The following ZNF385D variants were observed in gnomAD, a reference collection of about 807,000 sequenced individuals.
The protein encoded by ZNF385D is zinc finger protein 385D, also known as zinc finger protein 659.
Under a neutral mutation model 35.8 loss-of-function variants are expected in ZNF385D, and 15 were observed. That is an observed-to-expected ratio of 0.42 (90% CI 0.28 to 0.64). The LOEUF is 0.64. Ranked by LOEUF, ZNF385D falls within the 30% of genes least tolerant of loss-of-function variation. The pLI is 0.23. For missense variants in ZNF385D, 474 were observed against 494.6 expected (o/e 0.96, Z 0.39); for synonymous variants, 212 against 186.8 (o/e 1.13, Z -1.10).
At chr3:22,144,648 AAGTT>A (rs1704733959) in intron 3 of ZNF385D, among the ~76,000 whole-genome samples, 1 of 148,980 alleles carries the variant, frequency 6.7e-6, no homozygotes, top group African/African-American at 2.4e-5. Flanking sequence ...TAGCAAATTT[AAGTT>A]AGTCATCATT....
At chr3:22,341,114 A>C (rs1011302554) in intron 2 of ZNF385D, among the ~76,000 whole-genome samples, 2 of 152,242 alleles carry the variant, frequency 1.3e-5, no homozygotes, top group East Asian at 3.8e-4. Flanking sequence ...TTCTGGAAAC[A>C]TCAAAGATTT....
chr3:21,788,122 C>A (rs77847089), intron 3 of ZNF385D, among the ~76,000 whole-genome samples: 5,702 of 151,760 alleles, frequency 0.038, 360 homozygotes, highest in African/African-American at 0.13. Flanking sequence ...GGAATAATTA[C>A]ATTATCAATA....
chr3:21,631,362 C>T (rs896362803), intron 2 of ZNF385D, among the ~76,000 whole-genome samples: 3 of 150,508 alleles, frequency 2.0e-5, no homozygotes, highest in African/African-American at 7.3e-5. Context: ...TTCCTATATC[C>T]GATATGATCA....
intron 2 of ZNF385D, among the ~76,000 whole-genome samples, chr3:22,344,989 T>C (rs2125485916): frequency 6.6e-6 from 1 of 152,284 alleles, no homozygotes; most frequent in East Asian, 1.9e-4. Context: ...TCCTATATGA[T>C]TCAGTCATGG....
At chr3:21,683,957 G>A (rs1170188827) in intron 1 of ZNF385D, among the ~76,000 whole-genome samples, 1 of 150,206 alleles carries the variant, frequency 6.7e-6, no homozygotes, top group Non-Finnish European at 1.5e-5. Flanking sequence ...CCTGAACAGA[G>A]AACATAGCCA....
At chr3:21,930,393 C>T (rs1274525544) in intron 3 of ZNF385D, among the ~76,000 whole-genome samples, 1 of 151,500 alleles carries the variant, frequency 6.6e-6, no homozygotes, top group Non-Finnish European at 1.5e-5. Flanking sequence ...TGCTACTCAG[C>T]TAAGACACCA....
intron 3 of ZNF385D, among the ~76,000 whole-genome samples, chr3:21,925,377 C>A (rs754083694): frequency 1.4e-4 from 21 of 152,230 alleles, no homozygotes; most frequent in Non-Finnish European, 2.6e-4. Flanking sequence ...ATGCAAAATT[C>A]ATTGAAGAAC....
intron 3 of ZNF385D, among the ~76,000 whole-genome samples, chr3:22,073,647 C>A (rs1193460115): frequency 1.3e-5 from 2 of 151,650 alleles, no homozygotes; most frequent in Admixed American, 1.3e-4. Flanking sequence ...TTATATTTGT[C>A]TGTAACAGGA....
intron 2 of ZNF385D, among the ~76,000 whole-genome samples, chr3:21,610,283 A>G (rs1180364219): frequency 6.6e-6 from 1 of 152,092 alleles, no homozygotes; most frequent in South Asian, 2.1e-4. Flanking sequence ...CAAAGATGTG[A>G]CTCTAAAACT....
At chr3:21,968,224 G>A (rs6790267) in intron 3 of ZNF385D, among the ~76,000 whole-genome samples, 4,672 of 152,238 alleles carry the variant, frequency 0.031, 119 homozygotes, top group Non-Finnish European at 0.049. Flanking sequence ...TAGACCAGCC[G>A]TAGCCAGAGG....
chr3:21,726,649 C>G (rs1342602574), intron 1 of ZNF385D, among the ~76,000 whole-genome samples: 1 of 152,082 alleles, frequency 6.6e-6, no homozygotes, highest in African/African-American at 2.4e-5. Flanking sequence ...GAACTACAAA[C>G]CACTGATCAA....
intron 1 of ZNF385D, among the ~76,000 whole-genome samples, chr3:21,749,295 G>C (rs1281933599): frequency 6.6e-6 from 1 of 152,178 alleles, no homozygotes; most frequent in Non-Finnish European, 1.5e-5. Flanking sequence ...TTCTCCAATA[G>C]TCACACGATA....
intron 2 of ZNF385D, among the ~76,000 whole-genome samples, chr3:21,591,497 GATTA>G (rs2063975351): frequency 6.6e-6 from 1 of 151,936 alleles, no homozygotes; most frequent in South Asian, 2.1e-4. Flanking sequence ...TGATTATAAT[GATTA>G]ATTACTATAA....
chr3:21,702,293 G>T (rs2067718841), intron 1 of ZNF385D, among the ~76,000 whole-genome samples: 1 of 152,186 alleles, frequency 6.6e-6, no homozygotes, highest in Non-Finnish European at 1.5e-5. Flanking sequence ...TAAGGCTTGG[G>T]GCTTCCACCC....
chr3:21,711,185 G>T (rs1163294368), intron 1 of ZNF385D, among the ~76,000 whole-genome samples: 1 of 151,524 alleles, frequency 6.6e-6, no homozygotes, highest in African/African-American at 2.4e-5. Context: ...GGGACTACAG[G>T]AGCCCACCAT....
chr3:22,316,681 G>A (rs1325400917), intron 2 of ZNF385D, among the ~76,000 whole-genome samples: 1 of 152,086 alleles, frequency 6.6e-6, no homozygotes, highest in Non-Finnish European at 1.5e-5. Flanking sequence ...CTATTAATGG[G>A]ATTAATAATA....
chr3:21,491,755 ATACT>A (rs1705439388), intron 4 of ZNF385D, among the ~76,000 whole-genome samples: 1 of 152,166 alleles, frequency 6.6e-6, no homozygotes, highest in Non-Finnish European at 1.5e-5. Context: ...AGAGGCTAAA[ATACT>A]TACTACATGA....
chr3:21,457,282 T>G (rs948476519), intron 4 of ZNF385D, among the ~76,000 whole-genome samples: 5 of 152,184 alleles, frequency 3.3e-5, no homozygotes, highest in Non-Finnish European at 7.3e-5. Flanking sequence ...TTAAAATTAT[T>G]GCATCATTTC....
chr3:21,947,327 TC>T (rs1409217396), intron 3 of ZNF385D, among the ~76,000 whole-genome samples: 1 of 151,130 alleles, frequency 6.6e-6, no homozygotes, highest in African/African-American at 2.4e-5. Context: ...CTTTCAAGGC[TC>T]TTTCATGTAT....
Sources: gnomAD v4.1 joint callset for allele counts (sites outside exome capture counted in the v4.1 genomes callset) on GRCh38, gnomAD v4.1.1 for gene constraint, MANE v1.5 for transcripts, NCBI Gene and HGNC (gene_info 2026-07-23, HGNC 2026-07-21) for gene names.